SOCS5: variants seen among roughly 807,000 people sequenced by gnomAD.
The protein encoded by SOCS5 is CIS-6.
A neutral mutation model predicts 42.8 loss-of-function variants in SOCS5; 32 were observed. That is an observed-to-expected ratio of 0.75 (90% CI 0.56 to 1.01). The LOEUF is 1.01. Among genes scored for constraint, SOCS5 ranks in the 50% least tolerant of loss-of-function variants. SOCS5 has a pLI of 0.00. For missense variants in SOCS5, 627 were observed against 653.0 expected (o/e 0.96, Z 0.43); for synonymous variants, 283 against 229.6 (o/e 1.23, Z -2.10).
rs1447364002 is a variant in SOCS5 at position 46,762,195 on chromosome 2, TACTTTAA to T, written c.*2056_*2062del. 2 of 167,058 alleles carry T rather than the reference TACTTTAA, an allele frequency of 1.2e-5. No individual in the cohort carries two copies. Among genetic ancestry groups the T allele is most frequent in the African/African-American group, 4.8e-5 (2 of 41,474 alleles). The allele number at this position is 167,058 out of a possible 1,614,324, so 10.3% of individuals were successfully genotyped here. A position where few individuals can be genotyped will look rare whatever the true frequency, so the allele number is the denominator to read the frequency against. The stretch of plus-strand genomic sequence containing the variant: ...AGTGTTTGAGAACTTCATCCAAACC[TACTTTAA>T]AGCATTATGTGCAATTAAGTTGTTA... On this transcript the variant is annotated 3_prime_UTR_variant, in exon 2 of 2. Transcript: ENST00000394861.
intron 1 of SOCS5, among the ~76,000 whole-genome samples, chr2:46,728,909 G>A (rs184082756): frequency 6.6e-6 from 1 of 152,240 alleles, no homozygotes; most frequent in Admixed American, 6.5e-5. Context: ...TAAGCCAGTG[G>A]TTCTCAAAGT....
At chr2:46,734,777 A>T (rs1339955493) in intron 1 of SOCS5, among the ~76,000 whole-genome samples, 1 of 152,214 alleles carries the variant, frequency 6.6e-6, no homozygotes, top group Admixed American at 6.5e-5. Flanking sequence ...AGAGAAATGA[A>T]GTCTTAGTCA....
intron 1 of SOCS5, among the ~76,000 whole-genome samples, chr2:46,749,690 G>A (rs1673582631): frequency 6.6e-6 from 1 of 152,114 alleles, no homozygotes; most frequent in African/African-American, 2.4e-5. Context: ...TAAGGACTGT[G>A]TTCCCGGACC....
Position 46,760,852 on chromosome 2 carries a change from G to T in SOCS5, c.*711G>T, listed in dbSNP as rs540970611. On this transcript the variant is annotated 3_prime_UTR_variant, in exon 2 of 2. Transcript: ENST00000394861. ...ATGAGTGCTTTAACTTAAAACAGGCGTTTGGAATAGCTGCTGCAATGTAGT... is the reference window on the plus strand; with the variant it reads ...ATGAGTGCTTTAACTTAAAACAGGCTTTTGGAATAGCTGCTGCAATGTAGT... 1 of 167,026 alleles carries T rather than the reference G, an allele frequency of 6.0e-6. No individual in the cohort carries two copies. Among genetic ancestry groups the T allele is most frequent in the African/African-American group, 2.4e-5 (1 of 41,432 alleles). The allele number at this position is 167,026 out of a possible 1,614,324, so 10.3% of individuals were successfully genotyped here. A position where few individuals can be genotyped will look rare whatever the true frequency, so the allele number is the denominator to read the frequency against.
At chr2:46,720,819 AT>A (rs1251260554) in intron 1 of SOCS5, among the ~76,000 whole-genome samples, 1 of 152,138 alleles carries the variant, frequency 6.6e-6, no homozygotes, top group African/African-American at 2.4e-5. Flanking sequence ...GGCCCTTAAT[AT>A]AAGTGTGTGT....
chr2:46,736,399 G>T (rs1029522464), intron 1 of SOCS5, among the ~76,000 whole-genome samples: 2 of 152,010 alleles, frequency 1.3e-5, no homozygotes, highest in African/African-American at 2.4e-5. Context: ...TCACATTCTT[G>T]TGCAACCATC....
intron 1 of SOCS5, among the ~76,000 whole-genome samples, chr2:46,741,249 T>C (rs1673367332): frequency 6.6e-6 from 1 of 152,218 alleles, no homozygotes; most frequent in African/African-American, 2.4e-5. Context: ...CTTTTTCTTT[T>C]ATTTATTTGA....
rs1673867778 is a variant in SOCS5 at position 46,761,480 on chromosome 2, C to G, written c.*1339C>G. On this transcript the variant is annotated 3_prime_UTR_variant, in exon 2 of 2. Coordinates refer to ENST00000394861, the MANE Select transcript of SOCS5 (RefSeq NM_144949.3). ...TATTTTACATCCCTATGGCTATTGC[C>G]AAGGCTACAAAAAAGGAAAGCTATA... 1.2e-5 allele frequency: 2 copies of G among 166,946 alleles called. No individual in the cohort carries two copies. The highest frequency in any genetic ancestry group is 4.1e-4 in the South Asian group (2 of 4,830). The allele number at this position is 166,946 out of a possible 1,614,324, so 10.3% of individuals were successfully genotyped here. A position where few individuals can be genotyped will look rare whatever the true frequency, so the allele number is the denominator to read the frequency against.
At chr2:46,741,637 T>C (rs1204457397) in intron 1 of SOCS5, among the ~76,000 whole-genome samples, 4 of 152,162 alleles carry the variant, frequency 2.6e-5, no homozygotes, top group Non-Finnish European at 5.9e-5. Flanking sequence ...TATAGATGTG[T>C]GTTGAGGTCT....
At position 46,758,880 on chromosome 2, in the gene SOCS5, A is replaced by G; in HGVS notation, c.350A>G (p.His117Arg). The change falls in exon 2 of 2, where the codon CAT (histidine) becomes CGT (arginine). Residue 117 changes from histidine (H) to arginine (R), a missense_variant. This residue lies in a region of SOCS5 where 278 missense variants were observed against 246.3 expected (regional missense o/e 1.13). Transcript: ENST00000394861. ...GCACGAAGAGATTCCTACTCTCGAC[A>G]TGCTCCATGGGGTGGGAAGAAAAAA... ...RLARRDSYSR[H>R]APWGGKKKHS... 1 of 1,614,078 alleles carries G rather than the reference A, an allele frequency of 6.2e-7. No homozygotes were observed. The highest frequency in any genetic ancestry group is 8.5e-7 in the Non-Finnish European group (1 of 1,179,908).
intron 1 of SOCS5, among the ~76,000 whole-genome samples, chr2:46,708,432 A>C (rs1453574932): frequency 1.3e-5 from 2 of 152,192 alleles, no homozygotes; most frequent in Non-Finnish European, 2.9e-5. Flanking sequence ...AGTTGGAAAT[A>C]CGGGTCTGGA....
At chr2:46,732,510 G>A (rs1673148759) in intron 1 of SOCS5, among the ~76,000 whole-genome samples, 1 of 152,194 alleles carries the variant, frequency 6.6e-6, no homozygotes, top group African/African-American at 2.4e-5. Flanking sequence ...AAGAAACACT[G>A]TTAATGAAAC....
chr2:46,726,454 A>G (rs140812189), intron 1 of SOCS5, among the ~76,000 whole-genome samples: 328 of 152,216 alleles, frequency 2.2e-3, no homozygotes, highest in Middle Eastern at 6.8e-3. Context: ...TATACACTGT[A>G]TCTTTTACTA....
At chr2:46,719,855 C>T (rs1672840800) in intron 1 of SOCS5, among the ~76,000 whole-genome samples, 1 of 152,166 alleles carries the variant, frequency 6.6e-6, no homozygotes, top group Non-Finnish European at 1.5e-5. Flanking sequence ...GGTCTAGAGG[C>T]TATTCCTCGG....
At chr2:46,744,968 T>C (rs549230529) in intron 1 of SOCS5, among the ~76,000 whole-genome samples, 1 of 151,262 alleles carries the variant, frequency 6.6e-6, no homozygotes, top group African/African-American at 2.4e-5. Context: ...TTGTGAAAAT[T>C]AGAAAATCTG....
At chr2:46,758,288 G>C (rs545211859) in intron 1 of SOCS5, among the ~76,000 whole-genome samples, 130 of 152,324 alleles carry the variant, frequency 8.5e-4, no homozygotes, top group Non-Finnish European at 1.4e-3. Context: ...CTGCCTGAAA[G>C]GACTTGGGAA....
rs1348998013 is a variant in SOCS5 at position 46,762,718 on chromosome 2, A to T, written c.*2577A>T. The T allele has an allele frequency of 6.0e-6, 1 of 166,308 alleles. No individual in the cohort carries two copies. Among genetic ancestry groups the T allele is most frequent in the Non-Finnish European group, 1.5e-5 (1 of 68,096 alleles). 10.3% of individuals were successfully genotyped at this position (166,308 alleles called of 1,614,324 possible). On this transcript the variant is annotated 3_prime_UTR_variant, in exon 2 of 2. Transcript: ENST00000394861. ...TTCTGAATCCCATTGTAGCCTGTCA[A>T]CTAAATTTGAGTGTTAACGGTCTTT...
At position 46,761,424 on chromosome 2, in the gene SOCS5, C is replaced by T. The variant is rs181058888; in HGVS notation, c.*1283C>T. ...TGCTCTGTACCACTGGTGAGTGCTC[C>T]ATAGTTTCCTTACCTGCTGCTACAG... On this transcript the variant is annotated 3_prime_UTR_variant, in exon 2 of 2. Transcript: ENST00000394861. 6.0e-6 allele frequency: 1 copy of T among 167,114 alleles called. No individual in the cohort carries two copies. The highest frequency in any genetic ancestry group is 6.5e-5 in the Admixed American group (1 of 15,292). 10.4% of individuals were successfully genotyped at this position (167,114 alleles called of 1,614,324 possible).
chr2:46,725,602 A>C (rs1672973341), intron 1 of SOCS5, among the ~76,000 whole-genome samples: 2 of 152,150 alleles, frequency 1.3e-5, no homozygotes, highest in Non-Finnish European at 2.9e-5. Flanking sequence ...TTACATCTAC[A>C]TACATATAAA....
Sources: gnomAD v4.1 joint callset for allele counts (sites outside exome capture counted in the v4.1 genomes callset) on GRCh38, gnomAD v4.1.1 for gene constraint, gnomAD v4.1.1 regional missense constraint, MANE v1.5 for transcripts, NCBI Gene and HGNC (gene_info 2026-07-23, HGNC 2026-07-21) for gene names.